The following MAP3K4 variants were observed in gnomAD, a reference collection of about 807,000 sequenced individuals.
MAP3K4 encodes the protein MAP three kinase 1.
Under a neutral mutation model 185.6 loss-of-function variants are expected in MAP3K4, and 67 were observed. The ratio of observed to expected loss-of-function variants is 0.36; its 90% confidence interval spans 0.30 to 0.44. The LOEUF (loss-of-function observed/expected upper bound fraction) is 0.44. MAP3K4 is among the 20% of genes least tolerant of loss of function. The pLI is 1.00. For missense variants in MAP3K4, 1,551 were observed against 1,995.1 expected, an observed-to-expected ratio of 0.78 and a Z score of 4.24; for synonymous variants, 702 against 710.4, an observed-to-expected ratio of 0.99 and a Z score of 0.19.
rs923054623 is a variant in MAP3K4, at chr6:161,054,035, A to G, written c.1707+4056A>G. On this transcript the variant is annotated intron_variant, in intron 3 of 26. Coordinates refer to ENST00000392142, the MANE Select transcript of MAP3K4 (RefSeq NM_005922.4). The surrounding 1 kb of genome is among the most constrained non-coding windows in gnomAD (Gnocchi z 4.2). ...GGATTTTGTAGAAAAGAAGAAATACACGTGATGTTTGATTTTTCTTATCTA... is the reference window on the plus strand; with the variant it reads ...GGATTTTGTAGAAAAGAAGAAATACGCGTGATGTTTGATTTTTCTTATCTA... Among the ~76,000 whole-genome samples the G allele has an allele frequency of 1.3e-5, 2 of 152,212 alleles. No individual in the cohort carries two copies. The highest frequency in any genetic ancestry group is 2.9e-5 in the Non-Finnish European group (2 of 68,040).
chr6:161,015,500 A>G (rs968007453), intron 1 of MAP3K4, among the ~76,000 whole-genome samples: 6 of 152,184 alleles, frequency 3.9e-5, no homozygotes, highest in Admixed American at 1.3e-4. Flanking sequence ...CACCACCAAC[A>G]GAAGAATACT....
chr6:161,071,036 A>G lies in MAP3K4; in HGVS notation c.1950+186A>G, dbSNP rs945127058. On this transcript the variant is annotated intron_variant, in intron 4 of 26. Coordinates refer to ENST00000392142, the MANE Select transcript of MAP3K4 (RefSeq NM_005922.4). This position sits in a 1 kb window ranked among gnomAD's most constrained non-coding sequence, Gnocchi z 4.6. Reference sequence around the variant, plus strand: ...AAATGTTCTTTATATGCGGTCCTCAAAGGTAAGATTGTGGTTCATCCTTTC... The same window carrying G: ...AAATGTTCTTTATATGCGGTCCTCAGAGGTAAGATTGTGGTTCATCCTTTC... 2.0e-5 allele frequency among the ~76,000 whole-genome samples: 3 copies of G among 152,166 alleles called. No individual in the cohort carries two copies. The highest frequency in any genetic ancestry group is 7.2e-5 in the African/African-American group (3 of 41,428).
In MAP3K4 at chr6:161,056,245, C is replaced by G. The variant is rs1784230560; in HGVS notation, c.1707+6266C>G. Among the ~76,000 whole-genome samples the G allele has an allele frequency of 2.0e-5, 3 of 152,162 alleles. No homozygotes were observed. Among genetic ancestry groups the G allele is most frequent in the African/African-American group, 2.4e-5 (1 of 41,424 alleles). The stretch of plus-strand genomic sequence containing the variant: ...GGCTTGTCTTGTATTTTCCCTCGTT[C>G]TGTCCTAGGATCAGCCATTTCTCCA... On this transcript the variant is annotated intron_variant, in intron 3 of 26. Coordinates refer to ENST00000392142, the MANE Select transcript of MAP3K4 (RefSeq NM_005922.4). The surrounding 1 kb of genome is among the most constrained non-coding windows in gnomAD (Gnocchi z 5.4).
intron 19 of MAP3K4, among the ~76,000 whole-genome samples, chr6:161,105,928 C>T (rs939098980): frequency 2.0e-5 from 3 of 151,632 alleles, no homozygotes; most frequent in South Asian, 2.1e-4. Flanking sequence ...CTCTACCTCC[C>T]GGGCACAAGG....
rs556663853 is a variant in MAP3K4 at position 161,094,452 on chromosome 6, A to G, written c.3427+601A>G. On this transcript the variant is annotated intron_variant, in intron 15 of 26. Transcript: ENST00000392142. The stretch of plus-strand genomic sequence containing the variant: ...AATGAATGATTAACACTTTTATAGT[A>G]TATGTTGAAATGTTGAAAACAAAAT... 3.9e-5 allele frequency among the ~76,000 whole-genome samples: 6 copies of G among 152,376 alleles called. No individual in the cohort carries two copies. In the South Asian group the frequency reaches 1.0e-3, roughly 26 times the overall value.
At chr6:161,105,976 C>T (rs1778050440) in intron 19 of MAP3K4, among the ~76,000 whole-genome samples, 1 of 151,954 alleles carries the variant, frequency 6.6e-6, no homozygotes, top group Non-Finnish European at 1.5e-5. Flanking sequence ...GCTGGGACTA[C>T]AGGCACACAC....
rs1319955262 is a variant in MAP3K4, at chr6:161,088,397, A to G, written c.2823+443A>G. Among the ~76,000 whole-genome samples the G allele has an allele frequency of 6.6e-6, 1 of 152,184 alleles. No homozygotes were observed. The highest frequency in any genetic ancestry group is 1.5e-5 in the Non-Finnish European group (1 of 68,046). On this transcript the variant is annotated intron_variant, in intron 10 of 26. Coordinates refer to ENST00000392142, the MANE Select transcript of MAP3K4 (RefSeq NM_005922.4). The surrounding 1 kb of genome is among the most constrained non-coding windows in gnomAD (Gnocchi z 4.5). ...ACAGTTTCTATAACTCATTAGTTAT[A>G]AACTATGAGAAGCTTTCTCATTTAT...
chr6:161,034,444 T>C lies in MAP3K4; in HGVS notation c.338T>C (p.Leu113Ser). ...GGGAGGCCAGCCAGTCGGTCTAATT[T>C]GAAAGGTGAGTCTTGTACTTGAAAA... ...NVGRPASRSN[L>S]KEKMNAPNQP... Residue 113 changes from leucine (L) to serine (S), a missense_variant, in exon 2 of 27, where the codon TTG becomes TCG. Physicochemically the swap from Leu to Ser is moderately radical, Grantham distance 145 (BLOSUM62 -2). This residue lies in a region of MAP3K4 where 287 missense variants were observed against 268.8 expected (regional missense o/e 1.07). Transcript: ENST00000392142. The surrounding 1 kb of genome is among the most constrained non-coding windows in gnomAD (Gnocchi z 4.4). 1 of 1,613,674 alleles carries C rather than the reference T, an allele frequency of 6.2e-7. No individual in the cohort carries two copies. Among genetic ancestry groups the C allele is most frequent in the Non-Finnish European group, 8.5e-7 (1 of 1,179,706 alleles).
rs1562520474 is a variant in MAP3K4, at chr6:161,071,321, C to T, written c.1950+471C>T. Among the ~76,000 whole-genome samples the T allele has an allele frequency of 6.6e-6, 1 of 152,054 alleles. No individual in the cohort carries two copies. Reference sequence around the variant, plus strand: ...GTTGTTCATTCTGGGTGGGATCTTACGGATGTTTGATATCCCAGGAGCAGC... The same window carrying T: ...GTTGTTCATTCTGGGTGGGATCTTATGGATGTTTGATATCCCAGGAGCAGC... On this transcript the variant is annotated intron_variant, in intron 4 of 26. Transcript: ENST00000392142. This position sits in a 1 kb window ranked among gnomAD's most constrained non-coding sequence, Gnocchi z 4.6.
At position 161,049,615 on chromosome 6, in the gene MAP3K4, AAGG is replaced by A; in HGVS notation, c.1346_1348del (p.Gly449del). 2 of 1,614,182 alleles carry A rather than the reference AAGG, an allele frequency of 1.2e-6. No individual in the cohort carries two copies. The highest frequency in any genetic ancestry group is 1.7e-6 in the Non-Finnish European group (2 of 1,180,028). ...CCGGAGTATGAGGGTGATGACACAGAAGGAGAATTAAAGGAGTTGGAAAGTAGT... is the reference window on the plus strand; with the variant it reads ...CCGGAGTATGAGGGTGATGACACAGAAGAATTAAAGGAGTTGGAAAGTAGT... On this transcript the variant is annotated inframe_deletion, in exon 3 of 27. Transcript: ENST00000392142. The surrounding 1 kb of genome is among the most constrained non-coding windows in gnomAD (Gnocchi z 8.4).
Position 161,112,651 on chromosome 6 carries a change from A to G in MAP3K4, c.4520-17A>G, listed in dbSNP as rs747751941. 7.2e-6 allele frequency: 11 copies of G among 1,528,868 alleles called. No homozygotes were observed. In the East Asian group the frequency reaches 2.1e-4, roughly 29 times the overall value. 94.7% of individuals were successfully genotyped at this position (1,528,868 alleles called of 1,614,324 possible). A position where few individuals can be genotyped will look rare whatever the true frequency, so the allele number is the denominator to read the frequency against. ...GTTTATAACCCATTACTCTCAACAT[A>G]TCTGTGACTTTTAAAGCATACATGG... On this transcript the variant is annotated splice_polypyrimidine_tract_variant and intron_variant, in intron 24 of 26. Transcript: ENST00000392142. This position sits in a 1 kb window ranked among gnomAD's most constrained non-coding sequence, Gnocchi z 5.1.
At chr6:161,011,780 T>A (rs1307501547) in intron 1 of MAP3K4, among the ~76,000 whole-genome samples, 1 of 152,178 alleles carries the variant, frequency 6.6e-6, no homozygotes, top group East Asian at 1.9e-4. Flanking sequence ...AATGAAATAG[T>A]AAAGCTTAAC....
In MAP3K4 at chr6:161,087,900, G is replaced by A. The variant is rs370713644; in HGVS notation, c.2769G>A (p.Gln923=). The A allele has an allele frequency of 3.1e-6, 5 of 1,613,994 alleles. No homozygotes were observed. In the African/African-American group the frequency reaches 6.7e-5, roughly 22 times the overall value. The change falls in exon 10 of 27, where the codon CAG becomes CAA. Residue 923 remains glutamine (Q), a synonymous_variant. Transcript: ENST00000392142. This position sits in a 1 kb window ranked among gnomAD's most constrained non-coding sequence, Gnocchi z 4.9. ...SEDSWGTWEA[Q]PVKVVPQVET... ...ACAGCTGGGGCACCTGGGAGGCACA[G>A]CCTGTCAAAGTCGTGCCTCAGGTGG...
Position 161,098,347 on chromosome 6 carries a change from TGC to T in MAP3K4, c.3595_3596del (p.Ala1199CysfsTer12), listed in dbSNP as rs1777669199. 1 of 1,612,970 alleles carries T rather than the reference TGC, an allele frequency of 6.2e-7. No homozygotes were observed. The highest frequency in any genetic ancestry group is 1.1e-5 in the South Asian group (1 of 91,038). ...CTGCTGCTGCTGCTGCTGCTGCTGCTGCTGTTGCTGCCAGTCGGCCCAGCCCC... is the reference window on the plus strand; with the variant it reads ...CTGCTGCTGCTGCTGCTGCTGCTGCTTGTTGCTGCCAGTCGGCCCAGCCCC... ...PAAAAAAAAA[A>X]VAASRPSPSG... On this transcript the variant is annotated frameshift_variant, in exon 17 of 27. Transcript: ENST00000392142. LOFTEE classifies it high-confidence loss of function. The surrounding 1 kb of genome is among the most constrained non-coding windows in gnomAD (Gnocchi z 4.4).
At position 161,048,795 on chromosome 6, in the gene MAP3K4, C is replaced by T; in HGVS notation, c.523C>T (p.Pro175Ser). 1 of 1,614,008 alleles carries T rather than the reference C, an allele frequency of 6.2e-7. No homozygotes were observed. The highest frequency in any genetic ancestry group is 8.5e-7 in the Non-Finnish European group (1 of 1,180,012). ...FMLDSVGGSL[P>S]KKSIPDVDLN... ...GTTAGACTCAGTGGGTGGATCTTTG[C>T]CAAAAAAATCAATTCCAGATGTGGA... The change falls in exon 3 of 27, where the codon CCA (proline) becomes TCA (serine). Residue 175 changes from proline (P) to serine (S), a missense_variant. By Grantham distance (74) the Pro-to-Ser change is moderately conservative (BLOSUM62 -1). Transcript: ENST00000392142. The surrounding 1 kb of genome is among the most constrained non-coding windows in gnomAD (Gnocchi z 4.7).
intron 1 of MAP3K4, among the ~76,000 whole-genome samples, chr6:161,032,395 T>C (rs1192936149): frequency 6.6e-6 from 1 of 152,228 alleles, no homozygotes; most frequent in African/African-American, 2.4e-5. Flanking sequence ...ACTTACTATA[T>C]TCTGACTCTT....
rs1357325613 is a variant in MAP3K4 at position 161,037,580 on chromosome 6, G to A, written c.343+3131G>A. Reference sequence around the variant, plus strand: ...ACTACAGGCATGCGCCACCATGCCCGACTAATTTTGTATTTTTGGTAGAGA... The same window carrying A: ...ACTACAGGCATGCGCCACCATGCCCAACTAATTTTGTATTTTTGGTAGAGA... On this transcript the variant is annotated intron_variant, in intron 2 of 26. Coordinates refer to ENST00000392142, the MANE Select transcript of MAP3K4 (RefSeq NM_005922.4). The surrounding 1 kb of genome is among the most constrained non-coding windows in gnomAD (Gnocchi z 4.2). Among the ~76,000 whole-genome samples, 3 of 151,964 alleles carry A rather than the reference G, an allele frequency of 2.0e-5. No individual in the cohort carries two copies. The highest frequency in any genetic ancestry group is 1.3e-4 in the Admixed American group (2 of 15,258).
At position 161,007,407 on chromosome 6, in the gene MAP3K4, T is replaced by C. The variant is rs752871175; in HGVS notation, c.152+15324T>C. ...TAGAGGGAGGGCTAATTTTACAATA[T>C]GCAAGGACATGGTGGTCCTTTGAGG... is the stretch of plus-strand genomic sequence containing the variant. On this transcript the variant is annotated intron_variant, in intron 1 of 26. Transcript: ENST00000392142. The surrounding 1 kb of genome is among the most constrained non-coding windows in gnomAD (Gnocchi z 4.5). Among the ~76,000 whole-genome samples the C allele has an allele frequency of 6.6e-6, 1 of 152,148 alleles. No homozygotes were observed. The highest frequency in any genetic ancestry group is 1.5e-5 in the Non-Finnish European group (1 of 68,032).
chr6:161,092,838 A>G, intron 13 of MAP3K4, 140 bp from the exon 14 acceptor site: 1 of 499,650 alleles, frequency 2.0e-6, no homozygotes, highest in Non-Finnish European at 3.6e-6. Context: ...CACGCTGTAA[A>G]CTTACTGAAC....
Sources: gnomAD v4.1 joint callset for allele counts (sites outside exome capture counted in the v4.1 genomes callset) on GRCh38, gnomAD v4.1.1 for gene constraint, gnomAD v4.1.1 regional missense constraint, Gnocchi (gnomAD v3.1) non-coding constraint, MANE v1.5 for transcripts, NCBI Gene and HGNC (gene_info 2026-07-23, HGNC 2026-07-21) for gene names.